The following PCDH15 variants were observed in gnomAD, a reference collection of about 807,000 sequenced individuals.
PCDH15 encodes protocadherin related 15.
Under a neutral mutation model 178.5 loss-of-function variants are expected in PCDH15, and 129 were observed. The observed-to-expected ratio is 0.72, with a 90% CI of 0.63 to 0.84. The LOEUF (loss-of-function observed/expected upper bound fraction) is 0.84, where lower values mean the gene tolerates loss of function less well. PCDH15 is among the 40% of genes least tolerant of loss of function. The pLI, the probability that PCDH15 is intolerant of heterozygous loss-of-function variation, is 0.00. For missense variants in PCDH15, 2,230 were observed against 2,099.9 expected (o/e 1.06, Z -1.21); for synonymous variants, 800 against 732.0 (o/e 1.09, Z -1.50).
intron 2 of PCDH15, among the ~76,000 whole-genome samples, chr10:55,066,223 G>C (rs1841560882): frequency 6.6e-6 from 1 of 151,146 alleles, no homozygotes; most frequent in South Asian, 2.1e-4. Flanking sequence ...CTTTCACCAG[G>C]ATAAATGTGT....
rs117178903 is a variant in PCDH15 at position 54,968,142 on chromosome 10, T to C, written c.-79-70642A>G. ...ATAGGAATGGAAAGCCTGGGCTTAA[T>C]GGTAGACGTATATATGTACATAACT... On this transcript the variant is annotated intron_variant, in intron 2 of 5. Coordinates refer to the PCDH15 transcript ENST00000458638. Among the ~76,000 whole-genome samples, 913 of 152,304 alleles carry C rather than the reference T, an allele frequency of 6.0e-3. 3 individuals are homozygous for C. Among genetic ancestry groups the C allele is most frequent in the Middle Eastern group, 0.024 (7 of 294 alleles).
At chr10:54,395,702 A>G (rs1433172896) in intron 3 of PCDH15, among the ~76,000 whole-genome samples, 1 of 151,972 alleles carries the variant, frequency 6.6e-6, no homozygotes, top group Non-Finnish European at 1.5e-5. Context: ...AGGTAGTTAT[A>G]CACAATATAC....
At chr10:54,762,404 A>G (rs544072165) in intron 1 of PCDH15, among the ~76,000 whole-genome samples, 24 of 152,290 alleles carry the variant, frequency 1.6e-4, no homozygotes, top group African/African-American at 5.5e-4. Flanking sequence ...CAATATCTCA[A>G]ATAATAACTA....
chr10:55,486,170 G>A (rs1332697957), intron 2 of PCDH15, among the ~76,000 whole-genome samples: 4 of 151,520 alleles, frequency 2.6e-5, no homozygotes, highest in Non-Finnish European at 4.4e-5. Context: ...ATACAATGAC[G>A]ACCATTTCTT....
intron 2 of PCDH15, among the ~76,000 whole-genome samples, chr10:55,118,931 G>A (rs1345215074): frequency 6.6e-6 from 1 of 152,166 alleles, no homozygotes; most frequent in Non-Finnish European, 1.5e-5. Context: ...CTGTGGTATA[G>A]TAAGTTTTCG....
intron 20 of PCDH15, among the ~76,000 whole-genome samples, chr10:54,001,667 C>G (rs534333723): frequency 4.2e-4 from 64 of 151,938 alleles, no homozygotes; most frequent in Non-Finnish European, 7.5e-4. Context: ...AGAAGACAAA[C>G]CATAAGACAA....
chr10:55,401,712 G>C (rs998708417), intron 2 of PCDH15, among the ~76,000 whole-genome samples: 2 of 151,558 alleles, frequency 1.3e-5, no homozygotes, highest in Non-Finnish European at 2.9e-5. Context: ...TAGGGGAAGG[G>C]AAGAAGACCA....
At chr10:55,389,916 T>C (rs1487782887) in intron 2 of PCDH15, among the ~76,000 whole-genome samples, 1 of 152,146 alleles carries the variant, frequency 6.6e-6, no homozygotes, top group Non-Finnish European at 1.5e-5. Context: ...CTTGTTTCAA[T>C]AGTAAAATTT....
intron 18 of PCDH15, among the ~76,000 whole-genome samples, chr10:54,052,325 T>C (rs925049308): frequency 6.6e-6 from 1 of 152,276 alleles, no homozygotes; most frequent in South Asian, 2.1e-4. Context: ...GGAGGGGGGC[T>C]GTACCCGCCA....
At chr10:55,320,839 C>A (rs1843878326), upstream of PCDH15, among the ~76,000 whole-genome samples, 1 of 152,278 alleles carries the variant, frequency 6.6e-6, no homozygotes, top group East Asian at 1.9e-4. Flanking sequence ...AAGAAAGAAC[C>A]AGTGTTATAA....
chr10:54,856,923 T>C (rs1349501830), intron 3 of PCDH15, among the ~76,000 whole-genome samples: 1 of 152,192 alleles, frequency 6.6e-6, no homozygotes, highest in Non-Finnish European at 1.5e-5. Flanking sequence ...CAGCTTTCAA[T>C]TACATATTCT....
At chr10:53,810,225 C>A (rs1378017267) in intron 37 of PCDH15, among the ~76,000 whole-genome samples, 1 of 152,048 alleles carries the variant, frequency 6.6e-6, no homozygotes, top group Admixed American at 6.6e-5. Flanking sequence ...AATGTGGGAG[C>A]AAAAGTAACC....
chr10:54,125,117 T>A (rs370290762), intron 15 of PCDH15, among the ~76,000 whole-genome samples: 12 of 152,090 alleles, frequency 7.9e-5, no homozygotes, highest in African/African-American at 2.9e-4. Context: ...CTTTTTAGAC[T>A]TACACCCAAT....
At chr10:54,428,411 A>T (rs1956557246) in intron 3 of PCDH15, among the ~76,000 whole-genome samples, 1 of 152,200 alleles carries the variant, frequency 6.6e-6, no homozygotes, top group East Asian at 1.9e-4. Context: ...ATGTCCCATG[A>T]AATATTTAGG....
intron 21 of PCDH15, among the ~76,000 whole-genome samples, chr10:53,973,319 A>C (rs1351273801): frequency 6.6e-6 from 1 of 150,706 alleles, no homozygotes; most frequent in Non-Finnish European, 1.5e-5. Flanking sequence ...GAGGGATAGC[A>C]TTAGGAGATA....
At position 54,132,987 on chromosome 10, in the gene PCDH15, T is replaced by C. The variant is rs377107868; in HGVS notation, c.1805A>G (p.Tyr602Cys). ...AERRNSICTV[Y>C]IEVLPPNNQS... ...ATTATTTGGTGGAAGCACTTCAATATACACAGTGCAGATGGAGTTCCTGCA... is the reference window on the plus strand; with the variant it reads ...ATTATTTGGTGGAAGCACTTCAATACACACAGTGCAGATGGAGTTCCTGCA... The change falls in exon 15 of 38, where the codon TAT becomes TGT. Residue 602 changes from tyrosine to cysteine, a missense_variant. Tyr to Cys is a radical substitution (Grantham distance 194). Coordinates refer to ENST00000644397, the MANE Select transcript of PCDH15 (RefSeq NM_001384140.1). 42 of 1,613,942 alleles carry C rather than the reference T, an allele frequency of 2.6e-5. No individual in the cohort carries two copies. The highest frequency in any genetic ancestry group is 9.3e-5 in the African/African-American group (7 of 74,926).
At chr10:55,507,638 A>G (rs1417321716) in intron 2 of PCDH15, among the ~76,000 whole-genome samples, 1 of 151,470 alleles carries the variant, frequency 6.6e-6, no homozygotes, top group Admixed American at 6.6e-5. Context: ...ATTTGAATAT[A>G]AACACTTTCA....
chr10:54,885,119 T>C (rs992224280), intron 3 of PCDH15, among the ~76,000 whole-genome samples: 1 of 152,070 alleles, frequency 6.6e-6, no homozygotes, highest in African/African-American at 2.4e-5. Context: ...AATAAATGAA[T>C]GAATGATCTT....
intron 2 of PCDH15, among the ~76,000 whole-genome samples, chr10:55,154,676 A>C (rs574432209): frequency 6.6e-6 from 1 of 152,278 alleles, no homozygotes; most frequent in Non-Finnish European, 1.5e-5. Context: ...CACTCTGAGG[A>C]ATATGCATAG....
Sources: gnomAD v4.1 joint callset for allele counts (sites outside exome capture counted in the v4.1 genomes callset) on GRCh38, gnomAD v4.1.1 for gene constraint, MANE v1.5 for transcripts, NCBI Gene and HGNC (gene_info 2026-07-23, HGNC 2026-07-21) for gene names.